LOXHD1: variants seen among roughly 807,000 people sequenced by gnomAD.
LOXHD1 encodes the protein lipoxygenase homology PLAT domains 1.
In LOXHD1, 205 loss-of-function variants were observed where a neutral mutation model predicts 248.2. That is an observed-to-expected ratio of 0.83 (90% CI 0.74 to 0.93). LOXHD1 has a LOEUF of 0.93. Ranked by LOEUF, LOXHD1 falls within the 40% of genes least tolerant of loss-of-function variation. The pLI, the probability that LOXHD1 is intolerant of heterozygous loss-of-function variation, is 0.00. For synonymous variants in LOXHD1, 1,113 were observed against 1,162.8 expected (o/e 0.96, Z 0.87); for missense variants, 2,930 against 2,971.6 (o/e 0.99, Z 0.33).
At chr18:46,564,828 G>A (rs1176158883) in intron 17 of LOXHD1, among the ~76,000 whole-genome samples, 1 of 152,182 alleles carries the variant, frequency 6.6e-6, no homozygotes, top group African/African-American at 2.4e-5. Flanking sequence ...GAACTTGCAG[G>A]TTGCTTCAGA....
chr18:46,634,564 G>T (rs1457528433), intron 4 of LOXHD1, among the ~76,000 whole-genome samples: 1 of 152,114 alleles, frequency 6.6e-6, no homozygotes, highest in African/African-American at 2.4e-5. Context: ...CATGTATAAG[G>T]TACATATGAA....
At chr18:46,512,207 A>G (rs1033564606) in intron 34 of LOXHD1, among the ~76,000 whole-genome samples, 6 of 152,110 alleles carry the variant, frequency 3.9e-5, no homozygotes, top group Admixed American at 3.9e-4. Context: ...GCAGATAACA[A>G]CATCGCCATT....
chr18:46,480,426 G>A (rs747962338), intron 40 of LOXHD1, among the ~76,000 whole-genome samples: 2 of 152,082 alleles, frequency 1.3e-5, no homozygotes, highest in African/African-American at 2.4e-5. Context: ...CCTGTGTCTC[G>A]CTTTTCTCAC....
chr18:46,522,309 A>T lies in LOXHD1; in HGVS notation c.4877T>A (p.Ile1626Asn). The change falls in exon 32 of 41, where the codon ATT (isoleucine) becomes AAT (asparagine). Residue 1626 changes from isoleucine to asparagine, a missense_variant and splice_region_variant. Ile to Asn is a moderately radical substitution (Grantham distance 149). Transcript: ENST00000642948. ...GGTGACTGACACATAGTAGGGAATA[A>T]CTGCAAGAGATCACGGGGCTCAGGT... ...PMADYVQEGP[I>N]IPYYVSVTTG... 2.6e-6 allele frequency: 4 copies of T among 1,551,548 alleles called. No homozygotes were observed. The highest frequency in any genetic ancestry group is 3.5e-6 in the Non-Finnish European group (4 of 1,146,774).
chr18:46,607,220 C>T (rs2144301626), intron 6 of LOXHD1, among the ~76,000 whole-genome samples: 1 of 150,282 alleles, frequency 6.7e-6, no homozygotes, highest in East Asian at 2.0e-4. Context: ...ATTTAAATAA[C>T]ATGGGGATAT....
intron 12 of LOXHD1, 75 bp downstream of exon 12, chr18:46,591,858 T>A: frequency 6.6e-7 from 1 of 1,523,356 alleles, no homozygotes; most frequent in Non-Finnish European, 8.9e-7. Context: ...GACTCTCAGC[T>A]CATAGGTCAG....
chr18:46,589,462 A>G (rs2038124981), intron 12 of LOXHD1, among the ~76,000 whole-genome samples: 1 of 152,158 alleles, frequency 6.6e-6, no homozygotes, highest in Non-Finnish European at 1.5e-5. Flanking sequence ...AGTACCCATC[A>G]CAGGTGAGCA....
chr18:46,657,026 G>C lies in LOXHD1; in HGVS notation c.8C>G (p.Pro3Arg), dbSNP rs1331334097. Residue 3 changes from proline to arginine, a missense_variant, in exon 1 of 41, where the codon CCC becomes CGC. Physicochemically the swap from Pro to Arg is moderately radical, Grantham distance 103 (BLOSUM62 -2). Coordinates refer to ENST00000642948, the MANE Select transcript of LOXHD1 (RefSeq NM_001384474.1). MM[P>R]QKKRRRKKDI... ...CTTCTTCCTCCGCCTTTTCTTCTGG[G>C]GCATCATTCTGTCGGCTGCCTTCTC... 2.6e-6 allele frequency: 4 copies of C among 1,551,618 alleles called. No individual in the cohort carries two copies. In the South Asian group the frequency reaches 4.8e-5, roughly 18 times the overall value.
intron 4 of LOXHD1, among the ~76,000 whole-genome samples, chr18:46,620,345 C>T (rs891176796): frequency 2.6e-5 from 4 of 152,102 alleles, no homozygotes; most frequent in African/African-American, 9.7e-5. Flanking sequence ...TCTGGTGAAG[C>T]CAGGGAGGGT....
chr18:46,578,951 C>T (rs2037910116), intron 13 of LOXHD1, among the ~76,000 whole-genome samples: 1 of 152,224 alleles, frequency 6.6e-6, no homozygotes, highest in African/African-American at 2.4e-5. Context: ...TAGCTCTTTC[C>T]CCACTGCTTC....
At chr18:46,554,002 C>T (rs113754152) in intron 21 of LOXHD1, among the ~76,000 whole-genome samples, 9 of 152,154 alleles carry the variant, frequency 5.9e-5, no homozygotes, top group African/African-American at 7.2e-5. Flanking sequence ...AGCAGACCTG[C>T]GGGCTGAGCT....
intron 21 of LOXHD1, among the ~76,000 whole-genome samples, chr18:46,551,684 A>G (rs1342323665): frequency 3.3e-5 from 5 of 152,094 alleles, no homozygotes; most frequent in African/African-American, 1.2e-4. Flanking sequence ...CAAACATAAA[A>G]TTTTCTGATA....
At chr18:46,610,185 C>A (rs2038484135) in intron 6 of LOXHD1, among the ~76,000 whole-genome samples, 1 of 152,072 alleles carries the variant, frequency 6.6e-6, no homozygotes, top group Non-Finnish European at 1.5e-5. Context: ...ATGAACAGGC[C>A]CCGGCTAGGT....
chr18:46,503,561 G>A (rs182983493), intron 37 of LOXHD1, among the ~76,000 whole-genome samples: 1 of 152,304 alleles, frequency 6.6e-6, no homozygotes, highest in East Asian at 1.9e-4. Context: ...GGAAACTGCT[G>A]CTAATCCTAA....
chr18:46,610,872 G>A lies in LOXHD1; in HGVS notation c.663C>T (p.Asp221=). The part of the protein sequence containing the change: ...EKDNFEKGAE[D]RFILDAPDLG... ...AATCCGGGGCATCCAGGATGAACCT[G>A]TCTTCAGCTCCCTTTTCAAAGTTGT... The change falls in exon 6 of 41, where the codon GAC becomes GAT. Residue 221 remains aspartate, a synonymous_variant. Transcript: ENST00000642948. The A allele has an allele frequency of 6.4e-7, 1 of 1,551,858 alleles. No individual in the cohort carries two copies. The highest frequency in any genetic ancestry group is 8.7e-7 in the Non-Finnish European group (1 of 1,147,024).
chr18:46,536,195 G>A (rs2036300773), intron 26 of LOXHD1, among the ~76,000 whole-genome samples: 1 of 152,168 alleles, frequency 6.6e-6, no homozygotes, highest in Non-Finnish European at 1.5e-5. Flanking sequence ...CAGGTCCTTA[G>A]AACTGTGCTG....
At chr18:46,509,632 G>T in intron 35 of LOXHD1, 66 bp downstream of exon 35, 3 of 1,207,824 alleles carry the variant, frequency 2.5e-6, no homozygotes, top group Non-Finnish European at 3.6e-6. Context: ...CCATTGACAA[G>T]CCAGAGGAAC....
At chr18:46,614,873 G>A (rs896652623) in intron 5 of LOXHD1, among the ~76,000 whole-genome samples, 3 of 151,586 alleles carry the variant, frequency 2.0e-5, no homozygotes, top group Non-Finnish European at 2.9e-5. Flanking sequence ...CCTATTCTTC[G>A]AAACTATTTA....
chr18:46,482,090 A>G (rs1249514972), intron 40 of LOXHD1, among the ~76,000 whole-genome samples: 1 of 152,290 alleles, frequency 6.6e-6, no homozygotes, highest in East Asian at 1.9e-4. Context: ...CCAGCTGTCA[A>G]GTTCTCATCA....
Sources: allele counts gnomAD v4.1 joint callset (sites outside exome capture counted in the v4.1 genomes callset), GRCh38; gene constraint gnomAD v4.1.1; transcripts MANE v1.5; gene names NCBI Gene and HGNC (gene_info 2026-07-23, HGNC 2026-07-21).